RANBP17: variants seen among roughly 807,000 people sequenced by gnomAD.
RANBP17 encodes the protein RAN binding protein 17.
Under a neutral mutation model 141.2 loss-of-function variants are expected in RANBP17, and 158 were observed. The observed-to-expected ratio is 1.12, with a 90% CI of 0.98 to 1.28. The LOEUF (loss-of-function observed/expected upper bound fraction) is 1.28. Ranked by LOEUF, RANBP17 falls within the 50% of genes most tolerant of loss-of-function variation. The probability of loss-of-function intolerance (pLI) is 0.00; values close to 1 mark genes in which losing one functional copy is unlikely to be tolerated. For synonymous variants in RANBP17, 430 were observed against 450.0 expected (o/e 0.96, Z 0.56); for missense variants, 1,438 against 1,290.7 (o/e 1.11, Z -1.75).
chr5:171,274,710 A>G (rs757951318), intron 25 of RANBP17, among the ~76,000 whole-genome samples: 8 of 152,196 alleles, frequency 5.3e-5, no homozygotes, highest in East Asian at 1.9e-4. Flanking sequence ...ATGATAGTCA[A>G]TAAGTGTTTG....
chr5:170,968,204 T>G, intron 13 of RANBP17, 38 bp from the exon 14 acceptor site: 1 of 1,450,972 alleles, frequency 6.9e-7, no homozygotes, highest in Non-Finnish European at 9.3e-7. Flanking sequence ...TCTAAGGTTT[T>G]GTACTGAAGG....
chr5:170,979,723 A>G (rs749835947), intron 14 of RANBP17, among the ~76,000 whole-genome samples: 16 of 152,244 alleles, frequency 1.1e-4, no homozygotes, highest in Non-Finnish European at 1.9e-4. Context: ...CTCCCCAACC[A>G]TATGGAACTG....
At chr5:170,878,365 A>T (rs1208793563) in intron 2 of RANBP17, 122 bp downstream of exon 2, 2 of 841,552 alleles carry the variant, frequency 2.4e-6, no homozygotes, top group African/African-American at 3.5e-5. Context: ...TGTTTTTGTG[A>T]AACTATAGTT....
In RANBP17 at chr5:171,171,367, T is replaced by G. The variant is rs922536257; in HGVS notation, c.1865+81T>G. The G allele has an allele frequency of 5.2e-5, 42 of 809,500 alleles. No homozygotes were observed. The African/African-American group carries it at 7.2e-4, about 14-fold the overall frequency. The allele number at this position is 809,500 out of a possible 1,614,324, so 50.1% of individuals were successfully genotyped here. A position where few individuals can be genotyped will look rare whatever the true frequency, so the allele number is the denominator to read the frequency against. On this transcript the variant is annotated intron_variant, in intron 16 of 27. Transcript: ENST00000523189. ...TAATTAACCAGGTATTCTCCTTGTT[T>G]ATAATTTTTGCAATTTTTTAAAAAA...
In RANBP17 at chr5:170,991,559, G is replaced by C. The variant is rs138968722; in HGVS notation, c.1710+23182G>C. On this transcript the variant is annotated intron_variant, in intron 14 of 27. Transcript: ENST00000523189. ...AGTTAAGAAAGGGTTCATCTGTTCA[G>C]AATAAAGATGCGGGAAGCAGCTTGG... Among the ~76,000 whole-genome samples, 188 of 152,026 alleles carry C rather than the reference G, an allele frequency of 1.2e-3. 4 individuals are homozygous for C. In the East Asian group the frequency reaches 0.027, roughly 22 times the overall value.
chr5:171,209,184 A>T (rs1053328028), intron 20 of RANBP17, among the ~76,000 whole-genome samples: 2 of 152,204 alleles, frequency 1.3e-5, no homozygotes, highest in African/African-American at 4.8e-5. Context: ...GGATTGGACC[A>T]TATGGAAATA....
intron 1 of RANBP17, among the ~76,000 whole-genome samples, chr5:170,864,160 A>G (rs1767047888): frequency 6.6e-6 from 1 of 152,150 alleles, no homozygotes; most frequent in African/African-American, 2.4e-5. Flanking sequence ...GACTTGCCCA[A>G]CGTTACAGAG....
At chr5:171,116,494 AT>A (rs1482791561) in intron 14 of RANBP17, among the ~76,000 whole-genome samples, 1 of 152,122 alleles carries the variant, frequency 6.6e-6, no homozygotes, top group Non-Finnish European at 1.5e-5. Context: ...TAGCCTGTTG[AT>A]TTCTTTTTTT....
chr5:170,863,695 A>G (rs1767004935), intron 1 of RANBP17: 1 of 152,182 alleles, frequency 6.6e-6, no homozygotes, highest in African/African-American at 2.4e-5. Flanking sequence ...GGTATGGTGG[A>G]ACTTTGGAAT....
At chr5:171,115,737 C>T (rs1173148732) in intron 14 of RANBP17, among the ~76,000 whole-genome samples, 2 of 152,108 alleles carry the variant, frequency 1.3e-5, no homozygotes, top group Non-Finnish European at 1.5e-5. Flanking sequence ...AGTGGGACTC[C>T]CGTGTGGTAA....
chr5:170,901,455 G>A lies in RANBP17; in HGVS notation c.489+5340G>A, dbSNP rs369183577. 2.6e-5 allele frequency among the ~76,000 whole-genome samples: 4 copies of A among 152,116 alleles called. No individual in the cohort carries two copies. In the South Asian group the frequency reaches 8.3e-4, roughly 32 times the overall value. On this transcript the variant is annotated intron_variant, in intron 5 of 27. Coordinates refer to ENST00000523189, the MANE Select transcript of RANBP17 (RefSeq NM_022897.5). Reference sequence around the variant, plus strand: ...GGTCTCCTGAATACAGCATACTGATGGGTCTTGACTCTTTATCCAATTTGC... The same window carrying A: ...GGTCTCCTGAATACAGCATACTGATAGGTCTTGACTCTTTATCCAATTTGC...
At chr5:171,167,492 G>A (rs1272897985) in intron 14 of RANBP17, among the ~76,000 whole-genome samples, 1 of 152,082 alleles carries the variant, frequency 6.6e-6, no homozygotes, top group Non-Finnish European at 1.5e-5. Flanking sequence ...TTGAGATAAT[G>A]CCATGGACAC....
chr5:171,215,727 C>A (rs1044566540), intron 21 of RANBP17, among the ~76,000 whole-genome samples: 9 of 152,010 alleles, frequency 5.9e-5, no homozygotes, highest in African/African-American at 2.2e-4. Flanking sequence ...CTGTTTATAT[C>A]CTGTGCCCAC....
intron 14 of RANBP17, among the ~76,000 whole-genome samples, chr5:171,044,282 A>T (rs1019581856): frequency 1.3e-4 from 20 of 151,982 alleles, no homozygotes; most frequent in Admixed American, 6.6e-4. Flanking sequence ...TGTATTGTTT[A>T]TGAGTACAAA....
intron 14 of RANBP17, among the ~76,000 whole-genome samples, chr5:171,110,927 T>C (rs940424484): frequency 6.6e-6 from 1 of 151,766 alleles, no homozygotes; most frequent in African/African-American, 2.4e-5. Context: ...TAGTTACATA[T>C]GTATACATGT....
intron 14 of RANBP17, among the ~76,000 whole-genome samples, chr5:171,107,709 ATATT>A (rs1287756983): frequency 6.6e-6 from 1 of 152,232 alleles, no homozygotes; most frequent in Non-Finnish European, 1.5e-5. Context: ...ATTGATTTCT[ATATT>A]TATTAGAATG....
intron 14 of RANBP17, among the ~76,000 whole-genome samples, chr5:171,125,612 T>A (rs980969285): frequency 5.3e-5 from 8 of 152,132 alleles, no homozygotes; most frequent in African/African-American, 1.9e-4. Context: ...AACAGATCAT[T>A]TAGGCAAAAA....
Position 171,213,691 on chromosome 5 carries a change from A to T in RANBP17, c.2292A>T (p.Thr764=). The T allele has an allele frequency of 6.2e-7, 1 of 1,613,862 alleles. No individual in the cohort carries two copies. ...NAVERWYGEP[T]CTTPILKLMA... is the part of the protein sequence containing the mutation. ...TTGAACGGTGGTATGGAGAGCCAAC[A>T]TGTACAACTCCCATCTTGAAACTTA... The change falls in exon 21 of 28, where the codon ACA becomes ACT. Residue 764 remains threonine (T), a synonymous_variant. Transcript: ENST00000523189.
chr5:171,127,853 G>T (rs372061093), intron 14 of RANBP17, among the ~76,000 whole-genome samples: 1 of 152,118 alleles, frequency 6.6e-6, no homozygotes, highest in Admixed American at 6.6e-5. Context: ...TCATTACTGG[G>T]AATTTATCTA....
Sources: allele counts gnomAD v4.1 joint callset (sites outside exome capture counted in the v4.1 genomes callset), GRCh38; gene constraint gnomAD v4.1.1; transcripts MANE v1.5; gene names NCBI Gene and HGNC (gene_info 2026-07-23, HGNC 2026-07-21).